TCF4: variants seen among roughly 807,000 people sequenced by gnomAD.
TCF4 encodes SL3-3 enhancer factor 2.
TCF4 carries 3 observed loss-of-function variants against 82.1 expected under a neutral mutation model. That is an observed-to-expected ratio of 0.04 (90% CI 0.02 to 0.09). TCF4 has a LOEUF of 0.09. Among genes scored for constraint, TCF4 ranks in the 10% least tolerant of loss-of-function variants. The pLI, the probability that TCF4 is intolerant of heterozygous loss-of-function variation, is 1.00. For missense variants in TCF4, 518 were observed against 852.7 expected (o/e 0.61, Z 4.89); for synonymous variants, 276 against 309.6 (o/e 0.89, Z 1.14).
At position 55,624,150 on chromosome 18, in the gene TCF4, G is replaced by T. The variant is rs541316699; in HGVS notation, c.286+7148C>A. On this transcript the variant is annotated intron_variant, in intron 2 of 20. Transcript: ENST00000398339. Reference sequence around the variant, plus strand: ...GAGCAATAAAGGGGTTTTTATTTTTGTGTTTGTTAATGGTCATTGTTTTCA... The same window carrying T: ...GAGCAATAAAGGGGTTTTTATTTTTTTGTTTGTTAATGGTCATTGTTTTCA... Among the ~76,000 whole-genome samples the T allele has an allele frequency of 2.6e-5, 4 of 152,078 alleles. No homozygotes were observed. In the South Asian group the frequency reaches 8.3e-4, roughly 32 times the overall value.
At chr18:55,503,953 T>C (rs1010576993) in intron 3 of TCF4, among the ~76,000 whole-genome samples, 2 of 152,126 alleles carry the variant, frequency 1.3e-5, no homozygotes, top group Non-Finnish European at 2.9e-5. Flanking sequence ...CACATGCCTG[T>C]AGTCCCGCTA....
At chr18:55,635,637 A>G (rs2097735631) in intron 1 of TCF4, 3 of 1,500,198 alleles carry the variant, frequency 2.0e-6, no homozygotes, top group Non-Finnish European at 1.8e-6. Context: ...CATGGTGGCC[A>G]TGGGAGATCA....
intron 3 of TCF4, among the ~76,000 whole-genome samples, chr18:55,509,830 A>G (rs2096805419): frequency 6.6e-6 from 1 of 152,118 alleles, no homozygotes; most frequent in South Asian, 2.1e-4. Context: ...AAATCACAGG[A>G]AGTTAAACTG....
rs905833134 is a variant in TCF4 at position 55,321,362 on chromosome 18, T to C, written c.549+28997A>G. ...GGAATAAGAATTTTCCAAAACTCTT[T>C]AAAAAAAAAAAATCATACCACCTCT... On this transcript the variant is annotated intron_variant, in intron 8 of 19. Coordinates refer to ENST00000354452, the MANE Select transcript of TCF4 (RefSeq NM_001083962.2). 5 of 301,272 alleles carry C rather than the reference T, an allele frequency of 1.7e-5. No homozygotes were observed. In the Admixed American group the frequency reaches 1.8e-4, roughly 11 times the overall value. 18.7% of individuals were successfully genotyped at this position (301,272 alleles called of 1,614,324 possible).
At chr18:55,240,499 G>T (rs1238881721) in intron 15 of TCF4, among the ~76,000 whole-genome samples, 1 of 152,218 alleles carries the variant, frequency 6.6e-6, no homozygotes, top group Non-Finnish European at 1.5e-5. Flanking sequence ...TTTCTCAAAT[G>T]TGCAAAACAC....
At chr18:55,598,435 C>T (rs1203286731) in intron 2 of TCF4, among the ~76,000 whole-genome samples, 6 of 152,028 alleles carry the variant, frequency 3.9e-5, no homozygotes, top group African/African-American at 1.4e-4. Flanking sequence ...ATGCACAGAA[C>T]GCGCAGGTTT....
rs376538426 is a variant in TCF4, at chr18:55,242,360, CACTGCACGGGAGTGTAAT to C, written c.1351-7695_1351-7678del. On this transcript the variant is annotated intron_variant, in intron 15 of 19. Transcript: ENST00000354452. Reference sequence around the variant, plus strand: ...TCCCAAGGACAGGAACTGCACAGGTCACTGCACGGGAGTGTAATAGTACAATGTGCAGTTAGATGCTTA... The same window carrying C: ...TCCCAAGGACAGGAACTGCACAGGTCAGTACAATGTGCAGTTAGATGCTTA... Among the ~76,000 whole-genome samples, 798 of 152,286 alleles carry C rather than the reference CACTGCACGGGAGTGTAAT, an allele frequency of 5.2e-3. 4 individuals are homozygous for C. Among genetic ancestry groups the C allele is most frequent in the South Asian group, 7.7e-3 (37 of 4,822 alleles).
intron 5 of TCF4, among the ~76,000 whole-genome samples, chr18:55,435,992 G>A (rs548386276): frequency 7.9e-5 from 12 of 152,310 alleles, no homozygotes; most frequent in Non-Finnish European, 1.3e-4. Context: ...ATAAGCATCT[G>A]AGGAATAGAC....
chr18:55,558,340 G>A (rs1460142535), intron 3 of TCF4, among the ~76,000 whole-genome samples: 1 of 152,046 alleles, frequency 6.6e-6, no homozygotes, highest in Non-Finnish European at 1.5e-5. Flanking sequence ...TGAGTATGTA[G>A]GAAAATCATC....
rs1053251953 is a variant in TCF4 at position 55,261,387 on chromosome 18, A to G, written c.990+79T>C. ...AAAGCTATTTGCCATTCATTTTCTA[A>G]AATTCCAAATGTCCACTTCTGATTA... On this transcript the variant is annotated intron_variant, in intron 12 of 19. Transcript: ENST00000354452. 1.4e-5 allele frequency: 22 copies of G among 1,548,668 alleles called. 1 individual carries two copies. The highest frequency in any genetic ancestry group is 4.1e-5 in the African/African-American group (3 of 73,556).
intron 5 of TCF4, among the ~76,000 whole-genome samples, chr18:55,425,188 C>T (rs1273438967): frequency 1.3e-5 from 2 of 152,144 alleles, no homozygotes; most frequent in Admixed American, 6.5e-5. Context: ...AGAAAGTGTC[C>T]TACCTAAAAT....
At chr18:55,452,632 G>A (rs1243461438) in intron 5 of TCF4, 1 of 152,568 alleles carries the variant, frequency 6.6e-6, no homozygotes, top group Non-Finnish European at 1.5e-5. Flanking sequence ...CAGGCCTGTT[G>A]CGTGACAAGG....
chr18:55,392,247 G>A (rs2093178947), intron 6 of TCF4, among the ~76,000 whole-genome samples: 1 of 151,570 alleles, frequency 6.6e-6, no homozygotes, highest in Admixed American at 6.6e-5. Flanking sequence ...TTACAGGCAT[G>A]AGCCATCATG....
At chr18:55,304,353 T>A (rs939621944) in intron 8 of TCF4, among the ~76,000 whole-genome samples, 4 of 152,020 alleles carry the variant, frequency 2.6e-5, no homozygotes, top group Admixed American at 1.3e-4. Flanking sequence ...GTAACAGAGA[T>A]CAAATAGACA....
chr18:55,376,652 C>T (rs1483668018), intron 6 of TCF4, among the ~76,000 whole-genome samples: 2 of 152,162 alleles, frequency 1.3e-5, no homozygotes, highest in African/African-American at 4.8e-5. Context: ...AGTTCTCTTC[C>T]ACTTGCATAT....
rs780638244 is a variant in TCF4 at position 55,461,019 on chromosome 18, T to A, written c.304A>T (p.Ser102Cys). Residue 102 changes from serine to cysteine, a missense_variant and splice_region_variant, in exon 5 of 20, where the codon AGT becomes TGT. Physicochemically the swap from Ser to Cys is moderately radical, Grantham distance 112 (BLOSUM62 -1). This residue lies in a region of TCF4 where 80 missense variants were observed against 93.8 expected (regional missense o/e 0.85). Transcript: ENST00000354452. ...SPPFVNSRIQ[S>C]KTERGSYSSY... ...TAAGTTAATTTAAAATGGGTCTTAC[T>A]TTGTATTCTGGAATTGACAAAAGGT... The A allele has an allele frequency of 9.9e-6, 16 of 1,612,718 alleles. No homozygotes were observed. The highest frequency in any genetic ancestry group is 1.7e-5 in the Admixed American group (1 of 59,890).
chr18:55,530,792 T>C (rs1320145562), intron 3 of TCF4, among the ~76,000 whole-genome samples: 3 of 152,126 alleles, frequency 2.0e-5, no homozygotes, highest in Non-Finnish European at 4.4e-5. Flanking sequence ...GAAGAAATTA[T>C]AACTAATAAA....
intron 2 of TCF4, among the ~76,000 whole-genome samples, chr18:55,595,221 G>A (rs1341150914): frequency 2.0e-5 from 3 of 152,264 alleles, no homozygotes; most frequent in Non-Finnish European, 2.9e-5. Context: ...TCAAAGATGC[G>A]TTTTTCCCTT....
intron 4 of TCF4, among the ~76,000 whole-genome samples, chr18:55,461,422 AC>A (rs1414232064): frequency 6.6e-6 from 1 of 152,242 alleles, no homozygotes; most frequent in East Asian, 1.9e-4. Context: ...CCAGACACAT[AC>A]AAAGTATATT....
Sources: allele counts gnomAD v4.1 joint callset (sites outside exome capture counted in the v4.1 genomes callset), GRCh38; gene constraint gnomAD v4.1.1; regional missense constraint gnomAD v4.1.1; transcripts MANE v1.5; gene names NCBI Gene and HGNC (gene_info 2026-07-23, HGNC 2026-07-21).